The following SH3BGRL variants were observed in gnomAD, a reference collection of about 807,000 sequenced individuals.
The protein encoded by SH3BGRL is adapter SH3BGRL.
Under a neutral mutation model 9.8 loss-of-function variants are expected in SH3BGRL, and 7 were observed. That is an observed-to-expected ratio of 0.72 (90% CI 0.41 to 1.35). The LOEUF (loss-of-function observed/expected upper bound fraction) is 1.35. Among genes scored for constraint, SH3BGRL ranks in the 40% most tolerant of loss-of-function variants. The probability of loss-of-function intolerance (pLI) is 0.01; values close to 1 mark genes in which losing one functional copy is unlikely to be tolerated. For missense variants in SH3BGRL, 73 were observed against 84.4 expected (o/e 0.86, Z 0.53); for synonymous variants, 36 against 29.1 (o/e 1.24, Z -0.76).
chrX:81,248,786 C>T (rs777170113), intron 1 of SH3BGRL, among the ~76,000 whole-genome samples: 1 of 112,163 alleles, frequency 8.9e-6, no homozygotes, highest in Non-Finnish European at 1.9e-5. Flanking sequence ...AAGCCTCTTC[C>T]CATGTTAGCT....
At chrX:81,255,226 G>A (rs926162479) in intron 1 of SH3BGRL, among the ~76,000 whole-genome samples, 3 of 111,736 alleles carry the variant, frequency 2.7e-5, no homozygotes, top group Non-Finnish European at 5.6e-5. Context: ...ATCATCCTAT[G>A]TTTGTGGAAG....
intron 1 of SH3BGRL, among the ~76,000 whole-genome samples, chrX:81,230,160 G>T (rs2147679285): frequency 8.9e-6 from 1 of 111,786 alleles, no homozygotes; most frequent in South Asian, 3.8e-4. Flanking sequence ...TAGTGAAAGA[G>T]ATTATATATT....
At chrX:81,280,573 A>C in intron 3 of SH3BGRL, among the ~76,000 whole-genome samples, 1 of 111,597 alleles carries the variant, frequency 9.0e-6, no homozygotes, top group Non-Finnish European at 1.9e-5. Flanking sequence ...GAGAGACAAC[A>C]ATCACTGCAG....
At chrX:81,230,747 C>T (rs769706752) in intron 1 of SH3BGRL, among the ~76,000 whole-genome samples, 10 of 111,569 alleles carry the variant, frequency 9.0e-5, no homozygotes, top group African/African-American at 2.9e-4. Flanking sequence ...ATGACTGGCA[C>T]TATTTTCGTC....
intron 1 of SH3BGRL, among the ~76,000 whole-genome samples, chrX:81,208,314 T>C (rs2075553663): frequency 9.0e-6 from 1 of 111,629 alleles, no homozygotes; most frequent in African/African-American, 3.3e-5. Context: ...GACTTATTTC[T>C]AGCACAAAGA....
intron 1 of SH3BGRL, among the ~76,000 whole-genome samples, chrX:81,252,222 C>T (rs1052166650): frequency 3.6e-5 from 4 of 111,870 alleles, no homozygotes; most frequent in Non-Finnish European, 7.5e-5. Flanking sequence ...TGTACTGAAG[C>T]GCAGAGATGA....
intron 1 of SH3BGRL, among the ~76,000 whole-genome samples, chrX:81,268,985 C>G (rs1228757628): frequency 9.0e-6 from 1 of 111,672 alleles, no homozygotes; most frequent in African/African-American, 3.3e-5. Context: ...CCTTCTTTGT[C>G]TCTTTTGATC....
intron 3 of SH3BGRL, among the ~76,000 whole-genome samples, chrX:81,290,486 G>A (rs139833893): frequency 1.3e-3 from 148 of 111,328 alleles, no homozygotes; most frequent in African/African-American, 4.7e-3. Flanking sequence ...ACAGAGAGAC[G>A]ATCACCACGT....
intron 1 of SH3BGRL, among the ~76,000 whole-genome samples, chrX:81,249,378 CTAGAT>C (rs770283129): frequency 3.6e-5 from 4 of 111,880 alleles, no homozygotes; most frequent in Non-Finnish European, 7.5e-5. Context: ...TCTTTCAGAC[CTAGAT>C]TAAACAATAA....
At chrX:81,213,116 T>G (rs1347452983) in intron 1 of SH3BGRL, among the ~76,000 whole-genome samples, 1 of 112,382 alleles carries the variant, frequency 8.9e-6, no homozygotes, top group Non-Finnish European at 1.9e-5. Context: ...AATGAGATTC[T>G]GTCTTGTGCA....
At chrX:81,237,077 A>G in intron 1 of SH3BGRL, 1 of 917,646 alleles carries the variant, frequency 1.1e-6, no homozygotes. Flanking sequence ...GAGAAAAGTC[A>G]AGTAATGTTA....
At chrX:81,244,903 G>C (rs1440006256) in intron 1 of SH3BGRL, among the ~76,000 whole-genome samples, 2 of 111,569 alleles carry the variant, frequency 1.8e-5, no homozygotes, top group Non-Finnish European at 3.8e-5. Context: ...TTAGAACTTG[G>C]GGTTAGGCAG....
At position 81,284,586 on chromosome X, in the gene SH3BGRL, G is replaced by A. The variant is rs57785697; in HGVS notation, c.312+6175G>A. On this transcript the variant is annotated intron_variant, in intron 3 of 3. Transcript: ENST00000373212. Reference sequence around the variant, plus strand: ...GAAGTTAGCCTTGGAAATAGCATGTGGTGTTCTGAGAGTGGATGAAATTAG... The same window carrying A: ...GAAGTTAGCCTTGGAAATAGCATGTAGTGTTCTGAGAGTGGATGAAATTAG... Among the ~76,000 whole-genome samples, 584 of 110,547 alleles carry A rather than the reference G, an allele frequency of 5.3e-3. 1 individual carries two copies. Among genetic ancestry groups the A allele is most frequent in the African/African-American group, 0.018 (558 of 30,475 alleles).
intron 1 of SH3BGRL, among the ~76,000 whole-genome samples, chrX:81,248,819 C>T (rs1169119923): frequency 8.9e-6 from 1 of 111,892 alleles, no homozygotes; most frequent in Non-Finnish European, 1.9e-5. Flanking sequence ...AGAAAGAAAG[C>T]GCTGTCCATT....
At chrX:81,272,539 C>A (rs1488099338) in intron 1 of SH3BGRL, among the ~76,000 whole-genome samples, 1 of 103,131 alleles carries the variant, frequency 9.7e-6, no homozygotes, top group African/African-American at 3.6e-5. Flanking sequence ...CTCGTTCTGC[C>A]GCCCAGGCTG....
At position 81,277,198 on chromosome X, in the gene SH3BGRL, T is replaced by C. The variant is rs368818346; in HGVS notation, c.231+29T>C. The C allele has an allele frequency of 3.3e-5, 37 of 1,125,530 alleles. No homozygotes were observed. In the African/African-American group the frequency reaches 6.5e-4, roughly 20 times the overall value. The allele number at this position is 1,125,530 out of a possible 1,213,427, so 92.8% of individuals were successfully genotyped here. On this transcript the variant is annotated intron_variant, in intron 2 of 3. Transcript: ENST00000373212. ...AGAAAACAATTTAAATTCTTGTTTA[T>C]TGTAATAGATTGCCCCAAATCTATC...
chrX:81,223,236 T>C (rs2075606082), intron 1 of SH3BGRL, among the ~76,000 whole-genome samples: 1 of 111,977 alleles, frequency 8.9e-6, no homozygotes, highest in Non-Finnish European at 1.9e-5. Flanking sequence ...GTTTTAGTCA[T>C]GAAGTCCTTG....
chrX:81,278,511 C>A, intron 3 of SH3BGRL, 100 bp downstream of exon 3: 1 of 527,236 alleles, frequency 1.9e-6, no homozygotes, highest in South Asian at 3.9e-5. Flanking sequence ...CAAATTAAGT[C>A]AGAGACAATC....
chrX:81,224,982 A>G (rs190952942), intron 1 of SH3BGRL, among the ~76,000 whole-genome samples: 170 of 110,812 alleles, frequency 1.5e-3, no homozygotes, highest in Non-Finnish European at 3.1e-3. Flanking sequence ...TTTTCTAAAA[A>G]AAAGGTGATG....
Sources: gnomAD v4.1 joint callset for allele counts (sites outside exome capture counted in the v4.1 genomes callset) on GRCh38, gnomAD v4.1.1 for gene constraint, MANE v1.5 for transcripts, NCBI Gene and HGNC (gene_info 2026-07-23, HGNC 2026-07-21) for gene names.